Variants in RNLS observed in about 807,000 individuals in gnomAD.
RNLS encodes renalase.
In RNLS, 39 loss-of-function variants were observed where a neutral mutation model predicts 39.8. The ratio of observed to expected loss-of-function variants is 0.98; its 90% CI spans 0.76 to 1.28. The LOEUF is 1.28. Ranked by LOEUF, RNLS falls within the 50% of genes most tolerant of loss-of-function variation. The pLI, the probability that RNLS is intolerant of heterozygous loss-of-function variation, is 0.00. For synonymous variants in RNLS, 147 were observed against 150.7 expected (o/e 0.98, Z 0.18); for missense variants, 410 against 413.3 (o/e 0.99, Z 0.07).
chr10:88,418,250 G>A (rs1854161747), intron 4 of RNLS, among the ~76,000 whole-genome samples: 6 of 151,984 alleles, frequency 3.9e-5, no homozygotes. Flanking sequence ...AGTTATCCTG[G>A]TAAGTAAGGA....
intron 4 of RNLS, among the ~76,000 whole-genome samples, chr10:88,479,861 G>T (rs1844055358): frequency 6.8e-6 from 1 of 147,220 alleles, no homozygotes; most frequent in Non-Finnish European, 1.5e-5. Flanking sequence ...TGCAACATAT[G>T]AATACAAATT....
chr10:88,576,764 A>C (rs35024247), intron 3 of RNLS, among the ~76,000 whole-genome samples: 1 of 152,232 alleles, frequency 6.6e-6, no homozygotes, highest in Non-Finnish European at 1.5e-5. Flanking sequence ...AGTAAATATT[A>C]CAATACAGAA....
chr10:88,446,143 A>G (rs1157442833), intron 4 of RNLS, among the ~76,000 whole-genome samples: 1 of 152,194 alleles, frequency 6.6e-6, no homozygotes, highest in Non-Finnish European at 1.5e-5. Flanking sequence ...TCAAACTAGA[A>G]CTCAGGATTA....
Position 88,314,590 on chromosome 10 carries a change from C to A in RNLS, c.752G>T (p.Gly251Val), listed in dbSNP as rs1482014739. 5 of 1,613,894 alleles carry A rather than the reference C, an allele frequency of 3.1e-6. No individual in the cohort carries two copies. The South Asian group carries it at 5.5e-5, about 18-fold the overall frequency. Residue 251 changes from glycine (G) to valine (V), a missense_variant, in exon 6 of 7, where the codon GGA becomes GTA. Physicochemically the swap from Gly to Val is moderately radical, Grantham distance 109. Transcript: ENST00000331772. ...AATGCTGTGTTCCAAGTATGTAACT[C>A]CAAATGGGACAGTGGTGTGAATCAC... is the stretch of plus-strand genomic sequence containing the variant. ...SLVIHTTVPF[G>V]VTYLEHSIED...
At chr10:88,527,234 C>G (rs1187763895) in intron 4 of RNLS, among the ~76,000 whole-genome samples, 4 of 152,146 alleles carry the variant, frequency 2.6e-5, no homozygotes, top group African/African-American at 9.7e-5. Flanking sequence ...TCAGCTTCTC[C>G]CTACACCAGC....
chr10:88,541,487 A>G (rs1848040213), intron 4 of RNLS, among the ~76,000 whole-genome samples: 2 of 152,170 alleles, frequency 1.3e-5, no homozygotes, highest in South Asian at 4.1e-4. Flanking sequence ...CAAATGACCT[A>G]CAGTGTCTGA....
intron 4 of RNLS, among the ~76,000 whole-genome samples, chr10:88,436,066 G>A (rs1056280406): frequency 5.9e-5 from 9 of 152,110 alleles, no homozygotes; most frequent in African/African-American, 2.2e-4. Context: ...GGGGCAGAAT[G>A]ATGACACTCA....
chr10:88,374,029 G>A (rs1470523571), intron 4 of RNLS, among the ~76,000 whole-genome samples: 1 of 151,970 alleles, frequency 6.6e-6, no homozygotes, highest in Non-Finnish European at 1.5e-5. Context: ...GGGCTGTTAT[G>A]AAGATTAGAA....
At chr10:88,452,850 G>A (rs777792892) in intron 4 of RNLS, among the ~76,000 whole-genome samples, 24 of 152,070 alleles carry the variant, frequency 1.6e-4, no homozygotes, top group Admixed American at 3.9e-4. Context: ...CAAGTAATTC[G>A]GTGTCTCTTG....
the RNLS span, among the ~76,000 whole-genome samples, chr10:88,225,468 A>T: frequency 2.6e-5 from 4 of 152,312 alleles, no homozygotes; most frequent in African/African-American, 9.6e-5. Context: ...TAATCCTAGC[A>T]TTTGGGAGGC....
chr10:88,268,480 T>TG, the RNLS span, among the ~76,000 whole-genome samples: 42 of 152,140 alleles, frequency 2.8e-4, no homozygotes, highest in East Asian at 1.2e-3. Context: ...GAGGTGGCTG[T>TG]GGGGGGGTTG....
chr10:88,462,339 T>C (rs1842970491), intron 4 of RNLS, among the ~76,000 whole-genome samples: 1 of 152,092 alleles, frequency 6.6e-6, no homozygotes, highest in South Asian at 2.1e-4. Context: ...CTTAAGCACT[T>C]ATCCTTTGTG....
chr10:88,433,086 AAAATTATTT>A (rs1180184049), intron 4 of RNLS, among the ~76,000 whole-genome samples: 1 of 152,096 alleles, frequency 6.6e-6, no homozygotes, highest in Non-Finnish European at 1.5e-5. Flanking sequence ...TCACAGGAAG[AAAATTATTT>A]TTGGTAAAAT....
chr10:88,394,645 AGG>A, intron 4 of RNLS, among the ~76,000 whole-genome samples: 1 of 151,964 alleles, frequency 6.6e-6, no homozygotes, highest in South Asian at 2.1e-4. Context: ...GCGATTCCTC[AGG>A]GATCTAGAAC....
chr10:88,525,474 T>C (rs1215454521), intron 4 of RNLS, among the ~76,000 whole-genome samples: 2 of 152,092 alleles, frequency 1.3e-5, no homozygotes, highest in Non-Finnish European at 2.9e-5. Flanking sequence ...ATTTTATTTA[T>C]TTTTGTTAAT....
the RNLS span, among the ~76,000 whole-genome samples, chr10:88,226,906 A>G: frequency 6.6e-6 from 1 of 152,130 alleles, no homozygotes; most frequent in African/African-American, 2.4e-5. Context: ...GTGAAAAGAT[A>G]CTTTAAAAAT....
At chr10:88,273,555 T>C (rs1375754666), downstream of RNLS, among the ~76,000 whole-genome samples, 4 of 152,230 alleles carry the variant, frequency 2.6e-5, no homozygotes, top group Admixed American at 1.3e-4. Flanking sequence ...TGTTTTGATC[T>C]ATTAGAATTT....
chr10:88,404,315 T>C (rs1029115850), intron 4 of RNLS, among the ~76,000 whole-genome samples: 1 of 152,048 alleles, frequency 6.6e-6, no homozygotes, highest in Non-Finnish European at 1.5e-5. Flanking sequence ...CCAAGAATCT[T>C]TGTGACCTGG....
intron 4 of RNLS, among the ~76,000 whole-genome samples, chr10:88,428,700 A>C (rs1306936742): frequency 6.6e-6 from 1 of 152,026 alleles, no homozygotes; most frequent in Non-Finnish European, 1.5e-5. Flanking sequence ...TGCCAAGAGC[A>C]CTGAATTCAA....
Sources: allele counts gnomAD v4.1 joint callset (sites outside exome capture counted in the v4.1 genomes callset), GRCh38; gene constraint gnomAD v4.1.1; transcripts MANE v1.5; gene names NCBI Gene and HGNC (gene_info 2026-07-23, HGNC 2026-07-21).